The following SLC35F3 variants were observed in gnomAD, a reference collection of about 807,000 sequenced individuals.
SLC35F3 encodes the protein putative thiamine transporter SLC35F3.
SLC35F3 carries 25 observed loss-of-function variants against 49.9 expected under a neutral mutation model. That is an observed-to-expected ratio of 0.50 (90% CI 0.37 to 0.70). SLC35F3 has a LOEUF of 0.70. SLC35F3 is among the 30% of genes least tolerant of loss of function. The pLI is 0.00. For missense variants in SLC35F3, 525 were observed against 639.8 expected, an observed-to-expected ratio of 0.82 and a Z score of 1.94; for synonymous variants, 275 against 265.4, an observed-to-expected ratio of 1.04 and a Z score of -0.35.
At chr1:233,940,137 G>T (rs1228728782) in intron 2 of SLC35F3, among the ~76,000 whole-genome samples, 1 of 152,018 alleles carries the variant, frequency 6.6e-6, no homozygotes, top group Non-Finnish European at 1.5e-5. Context: ...ATCATAATCT[G>T]CACTTTGTTC....
At chr1:234,122,536 T>C (rs1397064978) in intron 2 of SLC35F3, among the ~76,000 whole-genome samples, 2 of 152,154 alleles carry the variant, frequency 1.3e-5, no homozygotes, top group African/African-American at 2.4e-5. Flanking sequence ...TGTACCATGG[T>C]GGTTTGCTGC....
intron 3 of SLC35F3, among the ~76,000 whole-genome samples, chr1:234,304,571 C>G (rs1476753934): frequency 1.3e-5 from 2 of 152,148 alleles, no homozygotes; most frequent in African/African-American, 4.8e-5. Flanking sequence ...ACGCACATAC[C>G]TATATAAATC....
At chr1:234,101,736 A>T (rs1004999167) in intron 2 of SLC35F3, among the ~76,000 whole-genome samples, 1 of 152,220 alleles carries the variant, frequency 6.6e-6, no homozygotes, top group Non-Finnish European at 1.5e-5. Flanking sequence ...TAGCAAACAA[A>T]TCATGTACCT....
At chr1:234,147,558 G>A (rs1018197566) in intron 2 of SLC35F3, among the ~76,000 whole-genome samples, 14 of 152,118 alleles carry the variant, frequency 9.2e-5, no homozygotes, top group Non-Finnish European at 1.9e-4. Context: ...CAGTTATGAA[G>A]TTATTTTGAC....
intron 2 of SLC35F3, among the ~76,000 whole-genome samples, chr1:234,156,493 T>C (rs897804527): frequency 1.3e-5 from 2 of 152,210 alleles, no homozygotes; most frequent in Non-Finnish European, 2.9e-5. Context: ...GTCGTAACTG[T>C]CATGCATTGC....
At chr1:234,095,641 G>A (rs2102879371) in intron 2 of SLC35F3, among the ~76,000 whole-genome samples, 1 of 152,242 alleles carries the variant, frequency 6.6e-6, no homozygotes, top group East Asian at 1.9e-4. Flanking sequence ...TGAGAGCATG[G>A]GTATTGGTAT....
At chr1:234,135,915 A>C (rs1041989421) in intron 2 of SLC35F3, among the ~76,000 whole-genome samples, 1 of 152,252 alleles carries the variant, frequency 6.6e-6, no homozygotes, top group African/African-American at 2.4e-5. Context: ...TAAGGAGGGC[A>C]GTCCCAGTCC....
intron 3 of SLC35F3, among the ~76,000 whole-genome samples, chr1:234,248,151 G>C (rs1159702084): frequency 6.6e-6 from 1 of 151,898 alleles, no homozygotes; most frequent in African/African-American, 2.4e-5. Flanking sequence ...CCATTGTTCA[G>C]TGGGTTGGTT....
intron 3 of SLC35F3, among the ~76,000 whole-genome samples, chr1:234,281,242 A>T (rs80154400): frequency 0.016 from 2,369 of 152,320 alleles, 51 homozygotes; most frequent in African/African-American, 0.054. Context: ...GAGGAGATGA[A>T]GACACAGAAG....
intron 2 of SLC35F3, among the ~76,000 whole-genome samples, chr1:234,181,714 G>C (rs904714612): frequency 6.6e-6 from 1 of 152,148 alleles, no homozygotes; most frequent in Non-Finnish European, 1.5e-5. Context: ...CGTATTTCCT[G>C]TAAGTTGATA....
chr1:234,131,211 G>A lies in SLC35F3; in HGVS notation c.284-100206G>A, dbSNP rs576747740. On this transcript the variant is annotated intron_variant, in intron 2 of 7. Transcript: ENST00000366618. ...TTGCCGTGTATGCTTAAAATTTGTC[G>A]TTTTCCTGTGTGCATATTATACTGA... Among the ~76,000 whole-genome samples the A allele has an allele frequency of 1.2e-4, 18 of 152,180 alleles. No individual in the cohort carries two copies. The East Asian group carries it at 1.5e-3, about 13-fold the overall frequency.
At chr1:234,169,913 A>G (rs377338738) in intron 2 of SLC35F3, among the ~76,000 whole-genome samples, 12 of 152,202 alleles carry the variant, frequency 7.9e-5, no homozygotes, top group South Asian at 2.1e-4. Flanking sequence ...GACTACAGGC[A>G]CCCACCACCA....
At chr1:234,137,538 A>G (rs983656819) in intron 2 of SLC35F3, among the ~76,000 whole-genome samples, 2 of 152,172 alleles carry the variant, frequency 1.3e-5, no homozygotes, top group African/African-American at 2.4e-5. Flanking sequence ...GAGCTCATGG[A>G]ACGCCTCCTC....
intron 2 of SLC35F3, among the ~76,000 whole-genome samples, chr1:234,036,761 C>A (rs969671900): frequency 6.6e-6 from 1 of 152,154 alleles, no homozygotes; most frequent in Non-Finnish European, 1.5e-5. Context: ...ATTTTAGTGC[C>A]ACCTCATTTG....
chr1:234,319,808 C>G (rs1387385662), intron 6 of SLC35F3, among the ~76,000 whole-genome samples: 1 of 152,210 alleles, frequency 6.6e-6, no homozygotes, highest in Non-Finnish European at 1.5e-5. Flanking sequence ...CAGAGAAAAG[C>G]AAAATTGGTA....
At chr1:234,075,879 C>T (rs1664783879) in intron 2 of SLC35F3, among the ~76,000 whole-genome samples, 1 of 152,150 alleles carries the variant, frequency 6.6e-6, no homozygotes, top group Non-Finnish European at 1.5e-5. Context: ...ATTGACTATT[C>T]CCCTACCTGC....
At chr1:234,286,345 TGTAAG>T (rs1668419588) in intron 3 of SLC35F3, among the ~76,000 whole-genome samples, 1 of 151,480 alleles carries the variant, frequency 6.6e-6, no homozygotes, top group African/African-American at 2.4e-5. Context: ...TAGGAATAAA[TGTAAG>T]GTATCCACAT....
At chr1:234,033,586 A>G (rs965935568) in intron 2 of SLC35F3, among the ~76,000 whole-genome samples, 1 of 152,178 alleles carries the variant, frequency 6.6e-6, no homozygotes, top group Non-Finnish European at 1.5e-5. Context: ...CTTGCCAATT[A>G]TCCCAGCACC....
intron 2 of SLC35F3, among the ~76,000 whole-genome samples, chr1:234,081,194 A>C (rs563065985): frequency 6.6e-6 from 1 of 152,320 alleles, no homozygotes; most frequent in South Asian, 2.1e-4. Flanking sequence ...GGCTGCAGCC[A>C]ATCTTCAAGT....
Sources: allele counts gnomAD v4.1 joint callset (sites outside exome capture counted in the v4.1 genomes callset), GRCh38; gene constraint gnomAD v4.1.1; transcripts MANE v1.5; gene names NCBI Gene and HGNC (gene_info 2026-07-23, HGNC 2026-07-21).